The following GPHN variants were observed in gnomAD, a reference collection of about 807,000 sequenced individuals.
The protein encoded by GPHN is gephyrin.
Under a neutral mutation model 95.5 loss-of-function variants are expected in GPHN, and 17 were observed. That is an observed-to-expected ratio of 0.18 (90% confidence interval 0.12 to 0.27). The LOEUF is 0.27. Among genes scored for constraint, GPHN ranks in the 10% least tolerant of loss-of-function variants. The probability of loss-of-function intolerance (pLI) is 1.00; values close to 1 mark genes in which losing one functional copy is unlikely to be tolerated. For synonymous variants in GPHN, 320 were observed against 322.5 expected, an observed-to-expected ratio of 0.99 and a Z score of 0.08; for missense variants, 660 against 978.1, an observed-to-expected ratio of 0.67 and a Z score of 4.34.
In GPHN at chr14:66,603,780, A is replaced by G. The variant is rs183763817; in HGVS notation, c.65-77327A>G. Among the ~76,000 whole-genome samples the G allele has an allele frequency of 1.4e-4, 21 of 152,064 alleles. 1 individual carries two copies. Among genetic ancestry groups the G allele is most frequent in the East Asian group, 5.8e-4 (3 of 5,194 alleles). ...AACAAAATTTTTAATTTTTTATTCT[A>G]TTTCTACATAGGTCAGTTGTAGTTG... On this transcript the variant is annotated intron_variant, in intron 1 of 22. Coordinates refer to ENST00000478722, the MANE Select transcript of GPHN (RefSeq NM_020806.5).
At chr14:67,225,621 T>C in the GPHN span, among the ~76,000 whole-genome samples, 1,838 of 152,342 alleles carry the variant, frequency 0.012, 19 homozygotes, top group Non-Finnish European at 0.018. Context: ...ACCTCTTTTT[T>C]TTCATAGCAA....
the GPHN span, among the ~76,000 whole-genome samples, chr14:67,688,689 C>T: frequency 2.6e-5 from 4 of 151,106 alleles, no homozygotes; most frequent in Admixed American, 6.6e-5. Context: ...CCGGTTTTGG[C>T]CTCCTAAAGT....
the GPHN span, among the ~76,000 whole-genome samples, chr14:67,217,162 TTC>T: frequency 2.1e-5 from 3 of 144,824 alleles, no homozygotes; most frequent in African/African-American, 8.2e-5. Flanking sequence ...AATGACTTTC[TTC>T]ATCTTTTTTT....
chr14:66,740,844 T>A (rs992227243), intron 2 of GPHN, among the ~76,000 whole-genome samples: 1 of 152,184 alleles, frequency 6.6e-6, no homozygotes, highest in Non-Finnish European at 1.5e-5. Context: ...ATTTAGTAAG[T>A]GTCTTAGTTC....
chr14:67,164,527 T>C (rs2082160262), intron 19 of GPHN, among the ~76,000 whole-genome samples: 1 of 151,922 alleles, frequency 6.6e-6, no homozygotes, highest in Non-Finnish European at 1.5e-5. Flanking sequence ...GGAGTCTTGC[T>C]CTGTCGCCCA....
At chr14:67,117,967 C>A (rs896234950) in intron 16 of GPHN, among the ~76,000 whole-genome samples, 3 of 151,942 alleles carry the variant, frequency 2.0e-5, no homozygotes, top group African/African-American at 4.8e-5. Context: ...TTTCATAATA[C>A]CAAAATCCTA....
intron 1 of GPHN, among the ~76,000 whole-genome samples, chr14:66,659,413 C>T (rs2065502931): frequency 6.6e-6 from 1 of 151,912 alleles, no homozygotes; most frequent in African/African-American, 2.4e-5. Context: ...CTGGTTTTGA[C>T]TAGAGTGTTC....
intron 17 of GPHN, among the ~76,000 whole-genome samples, chr14:67,126,201 A>G (rs1241856681): frequency 6.6e-6 from 1 of 152,192 alleles, no homozygotes; most frequent in African/African-American, 2.4e-5. Flanking sequence ...GAGTTCCTAT[A>G]GTCTTTTTCT....
chr14:67,648,271 C>T, the GPHN span: 1 of 1,429,032 alleles, frequency 7.0e-7, no homozygotes. Context: ...TCTGCTATTC[C>T]ACATCATTGC....
At chr14:67,655,232 C>T in the GPHN span, among the ~76,000 whole-genome samples, 1 of 151,814 alleles carries the variant, frequency 6.6e-6, no homozygotes. Context: ...CGCAGCTACA[C>T]ATGAGGATCA....
At chr14:66,518,936 A>G (rs1003036594) in intron 1 of GPHN, among the ~76,000 whole-genome samples, 1 of 152,100 alleles carries the variant, frequency 6.6e-6, no homozygotes, top group African/African-American at 2.4e-5. Context: ...GGGTGACTAT[A>G]GTTAACAGTA....
intron 2 of GPHN, among the ~76,000 whole-genome samples, chr14:66,681,547 A>T (rs1191015711): frequency 1.3e-5 from 2 of 152,232 alleles, no homozygotes; most frequent in East Asian, 3.9e-4. Context: ...TATAGTAATT[A>T]TTTGTAATTA....
chr14:66,518,696 C>G (rs982110010), intron 1 of GPHN, among the ~76,000 whole-genome samples: 4 of 152,038 alleles, frequency 2.6e-5, no homozygotes, highest in Non-Finnish European at 4.4e-5. Flanking sequence ...ATGGATGGAA[C>G]TGAAGGACAT....
At chr14:66,967,877 A>C (rs984011163) in intron 9 of GPHN, among the ~76,000 whole-genome samples, 1 of 151,894 alleles carries the variant, frequency 6.6e-6, no homozygotes, top group Admixed American at 6.6e-5. Flanking sequence ...ATGAAAACCA[A>C]ATGTGAGCTT....
At chr14:66,794,396 A>G (rs959752651) in intron 3 of GPHN, among the ~76,000 whole-genome samples, 1 of 152,226 alleles carries the variant, frequency 6.6e-6, no homozygotes, top group Non-Finnish European at 1.5e-5. Context: ...AGATGCCATC[A>G]TCATGTTTCC....
chr14:66,733,018 C>T lies in GPHN; in HGVS notation c.144-43446C>T, dbSNP rs375792625. On this transcript the variant is annotated intron_variant, in intron 2 of 22. Coordinates refer to ENST00000478722, the MANE Select transcript of GPHN (RefSeq NM_020806.5). ...ATGATACAGTTCGGCTCTGGGTCCC[C>T]ACCCATATCACATCTTGAATTGTGA... is the stretch of plus-strand genomic sequence containing the variant. Among the ~76,000 whole-genome samples, 45 of 152,240 alleles carry T rather than the reference C, an allele frequency of 3.0e-4. 1 individual carries two copies. The South Asian group carries it at 3.5e-3, about 12-fold the overall frequency.
chr14:67,412,103 G>A, the GPHN span: 2 of 1,472,716 alleles, frequency 1.4e-6, no homozygotes, highest in Non-Finnish European at 1.8e-6. Context: ...CGCCTTCCCC[G>A]CGCCTCGCGC....
At chr14:67,482,657 A>G in the GPHN span, among the ~76,000 whole-genome samples, 1 of 152,204 alleles carries the variant, frequency 6.6e-6, no homozygotes, top group Admixed American at 6.5e-5. Flanking sequence ...AGTGGCTTCA[A>G]TGAGGAAAGG....
intron 3 of GPHN, among the ~76,000 whole-genome samples, chr14:66,803,931 A>G (rs963200645): frequency 2.0e-5 from 3 of 149,674 alleles, no homozygotes; most frequent in Admixed American, 2.0e-4. Context: ...TTTTTTTTCT[A>G]TTTTCTTGAA....
Sources: gnomAD v4.1 joint callset for allele counts (sites outside exome capture counted in the v4.1 genomes callset) on GRCh38, gnomAD v4.1.1 for gene constraint, MANE v1.5 for transcripts, NCBI Gene and HGNC (gene_info 2026-07-23, HGNC 2026-07-21) for gene names.